The following ADAM29 variants were observed in gnomAD, a reference collection of about 807,000 sequenced individuals.
ADAM29 encodes ADAM metallopeptidase domain 29.
For synonymous variants in ADAM29, 367 were observed against 342.3 expected, an observed-to-expected ratio of 1.07 and a Z score of -0.80; for missense variants, 969 against 1,001.8, an observed-to-expected ratio of 0.97 and a Z score of 0.44.
At chr4:174,924,218 G>A (rs965231226) in intron 2 of ADAM29, among the ~76,000 whole-genome samples, 3 of 152,138 alleles carry the variant, frequency 2.0e-5, no homozygotes, top group African/African-American at 7.2e-5. Context: ...TGTACAGATA[G>A]CAAATAAGCA....
At chr4:174,953,574 T>C (rs11133073) in intron 4 of ADAM29, among the ~76,000 whole-genome samples, 1 of 151,976 alleles carries the variant, frequency 6.6e-6, no homozygotes, top group Non-Finnish European at 1.5e-5. Context: ...CAAAGGAGAA[T>C]ACTTTAGACC....
chr4:174,944,553 G>A (rs1206487859), intron 4 of ADAM29, among the ~76,000 whole-genome samples: 1 of 151,948 alleles, frequency 6.6e-6, no homozygotes, highest in Non-Finnish European at 1.5e-5. Context: ...TTTAGCTTCA[G>A]GGATCCACAT....
At chr4:174,921,103 A>C (rs1346374835) in intron 2 of ADAM29, among the ~76,000 whole-genome samples, 1 of 152,188 alleles carries the variant, frequency 6.6e-6, no homozygotes, top group Non-Finnish European at 1.5e-5. Context: ...AATAATAAGC[A>C]CAATGGAATT....
intron 1 of ADAM29, chr4:174,919,135 CATCT>C (rs941551376): frequency 2.0e-5 from 3 of 152,168 alleles, no homozygotes; most frequent in Non-Finnish European, 4.4e-5. Flanking sequence ...TGACTCCATC[CATCT>C]AATTACTTGT....
intron 4 of ADAM29, among the ~76,000 whole-genome samples, chr4:174,937,419 GT>G (rs2110958224): frequency 6.6e-6 from 1 of 152,000 alleles, no homozygotes; most frequent in Non-Finnish European, 1.5e-5. Context: ...TGAATCCTAA[GT>G]TATTTTACTC....
intron 2 of ADAM29, among the ~76,000 whole-genome samples, chr4:174,923,148 C>T (rs530337039): frequency 3.9e-5 from 6 of 152,008 alleles, no homozygotes; most frequent in South Asian, 2.1e-4. Context: ...CTCCACTTCC[C>T]GAGTTCAGGT....
At chr4:174,935,424 G>C (rs1744148149) in intron 3 of ADAM29, among the ~76,000 whole-genome samples, 1 of 152,016 alleles carries the variant, frequency 6.6e-6, no homozygotes, top group Admixed American at 6.6e-5. Context: ...GGACCACAGG[G>C]AACCATTCTC....
intron 3 of ADAM29, among the ~76,000 whole-genome samples, chr4:174,933,026 T>C (rs1475561327): frequency 6.6e-6 from 1 of 152,164 alleles, no homozygotes; most frequent in African/African-American, 2.4e-5. Flanking sequence ...TCACATTTCC[T>C]TAACTGGCAG....
chr4:174,973,566 G>A (rs1746586929), intron 4 of ADAM29, among the ~76,000 whole-genome samples: 1 of 152,194 alleles, frequency 6.6e-6, no homozygotes, highest in Admixed American at 6.5e-5. Context: ...TGTAGGAGAT[G>A]CTTGATCCTA....
At chr4:174,928,765 G>A (rs1193033214) in intron 2 of ADAM29, among the ~76,000 whole-genome samples, 4 of 151,996 alleles carry the variant, frequency 2.6e-5, no homozygotes, top group Admixed American at 6.6e-5. Flanking sequence ...TTGCTAATAC[G>A]TGCTTATCTA....
Position 174,978,130 on chromosome 4 carries a change from A to G in ADAM29, c.*142A>G, listed in dbSNP as rs1275152088. 6 of 1,344,530 alleles carry G rather than the reference A, an allele frequency of 4.5e-6. No individual in the cohort carries two copies. The highest frequency in any genetic ancestry group is 6.1e-6 in the Non-Finnish European group (6 of 976,924). 83.3% of individuals were successfully genotyped at this position (1,344,530 alleles called of 1,614,324 possible). A position where few individuals can be genotyped will look rare whatever the true frequency, so the allele number is the denominator to read the frequency against. The stretch of plus-strand genomic sequence containing the variant: ...TGGTAAACAAAAGCAATCAGTACCA[A>G]TTCCAAAAACTGTATCCAGAAAAGG... On this transcript the variant is annotated 3_prime_UTR_variant, in exon 5 of 5. Transcript: ENST00000359240.
intron 2 of ADAM29, among the ~76,000 whole-genome samples, chr4:174,925,370 T>C (rs1743459069): frequency 6.6e-6 from 1 of 152,240 alleles, no homozygotes; most frequent in Admixed American, 6.5e-5. Flanking sequence ...TCTTTGCATT[T>C]TTTTTTTCTG....
At chr4:174,936,221 T>C (rs1372803509) in intron 3 of ADAM29, among the ~76,000 whole-genome samples, 8 of 152,026 alleles carry the variant, frequency 5.3e-5, no homozygotes, top group Admixed American at 5.2e-4. Context: ...CTCTATAATA[T>C]CAATGTAATT....
At chr4:174,952,141 TTAATG>T (rs1745214339) in intron 4 of ADAM29, among the ~76,000 whole-genome samples, 1 of 152,164 alleles carries the variant, frequency 6.6e-6, no homozygotes, top group African/African-American at 2.4e-5. Flanking sequence ...TATATGCATT[TTAATG>T]TATTAATTAA....
At chr4:174,968,023 T>G (rs1289465613) in intron 4 of ADAM29, among the ~76,000 whole-genome samples, 2 of 152,160 alleles carry the variant, frequency 1.3e-5, no homozygotes, top group Admixed American at 1.3e-4. Flanking sequence ...TATACTCGCT[T>G]TATTATTTAT....
intron 4 of ADAM29, among the ~76,000 whole-genome samples, chr4:174,968,479 C>G (rs1293182994): frequency 6.6e-6 from 1 of 152,162 alleles, no homozygotes; most frequent in Non-Finnish European, 1.5e-5. Context: ...TACAGTGTCT[C>G]TCTCCACTTT....
intron 4 of ADAM29, among the ~76,000 whole-genome samples, chr4:174,950,031 C>T (rs572862980): frequency 6.6e-6 from 1 of 152,264 alleles, no homozygotes; most frequent in African/African-American, 2.4e-5. Context: ...ATCTATTCAA[C>T]TTCAAAATTT....
Position 174,977,487 on chromosome 4 carries a change from G to C in ADAM29, c.1962G>C (p.Leu654=). Residue 654 remains leucine, a synonymous_variant, in exon 5 of 5, where the codon CTG becomes CTC. Transcript: ENST00000359240. ...ATCTGTGGGACCCTCCCAACTGCCT[G>C]ATAAAAGGCTATGGAGGTAGTGTTG... The part of the protein sequence containing the change: ...CNYLWDPPNC[L]IKGYGGSVDS... 1 of 1,614,108 alleles carries C rather than the reference G, an allele frequency of 6.2e-7. No homozygotes were observed. Among genetic ancestry groups the C allele is most frequent in the Non-Finnish European group, 8.5e-7 (1 of 1,180,014 alleles).
Position 174,976,585 on chromosome 4 carries a change from T to A in ADAM29, c.1060T>A (p.Cys354Ser). The A allele has an allele frequency of 6.2e-7, 1 of 1,603,862 alleles. No homozygotes were observed. The highest frequency in any genetic ancestry group is 1.1e-5 in the South Asian group (1 of 88,792). Residue 354 changes from cysteine to serine, a missense_variant, in exon 5 of 5, where the codon TGC becomes AGC. Coordinates refer to ENST00000359240, the MANE Select transcript of ADAM29 (RefSeq NM_014269.4). ...EDTCRCSQPR[C>S]IMHEGNPPIT... ...TACATGTCGTTGTTCACAACCTAGA[T>A]GCATAATGCATGAAGGCAACCCACC...
Sources: gnomAD v4.1 joint callset for allele counts (sites outside exome capture counted in the v4.1 genomes callset) on GRCh38, gnomAD v4.1.1 for gene constraint, MANE v1.5 for transcripts, NCBI Gene and HGNC (gene_info 2026-07-23, HGNC 2026-07-21) for gene names.